Variants in NOVA1 observed in about 807,000 individuals in gnomAD.
The protein encoded by NOVA1 is RNA-binding protein Nova-1.
In NOVA1, 7 loss-of-function variants were observed where a neutral mutation model predicts 38.0. The ratio of observed to expected loss-of-function variants is 0.18; its 90% CI spans 0.10 to 0.35. NOVA1 has a LOEUF of 0.35. Among genes scored for constraint, NOVA1 ranks in the 10% least tolerant of loss-of-function variants. The probability of loss-of-function intolerance (pLI) is 1.00; values close to 1 mark genes in which losing one functional copy is unlikely to be tolerated. For synonymous variants in NOVA1, 270 were observed against 232.5 expected (o/e 1.16, Z -1.47); for missense variants, 460 against 616.0 (o/e 0.75, Z 2.68).
At chr14:26,459,449 A>G (rs1269772291) in intron 4 of NOVA1, among the ~76,000 whole-genome samples, 2 of 152,136 alleles carry the variant, frequency 1.3e-5, no homozygotes, top group Admixed American at 6.6e-5. Flanking sequence ...AGTACATTCC[A>G]TGATGTATGC....
intron 2 of NOVA1, among the ~76,000 whole-genome samples, chr14:26,587,118 C>A (rs12587726): frequency 2.7e-5 from 4 of 150,258 alleles, no homozygotes; most frequent in African/African-American, 9.7e-5. Context: ...AGAAACCTTA[C>A]GTAAATCACT....
chr14:26,537,893 G>T (rs1366495590), intron 2 of NOVA1, among the ~76,000 whole-genome samples: 1 of 152,112 alleles, frequency 6.6e-6, no homozygotes, highest in African/African-American at 2.4e-5. Context: ...GCTCCTCTAT[G>T]GATATGACAT....
intron 2 of NOVA1, among the ~76,000 whole-genome samples, chr14:26,525,508 G>A (rs532664678): frequency 6.6e-5 from 10 of 152,146 alleles, no homozygotes; most frequent in South Asian, 4.1e-4. Flanking sequence ...AAATGACTAC[G>A]GCACACTTCA....
intron 4 of NOVA1, chr14:26,471,950 AT>A (rs542697928): frequency 0.054 from 14,070 of 261,282 alleles, 135 homozygotes; most frequent in African/African-American, 0.09. Context: ...CAATTTATAC[AT>A]TTTTTTTTTT....
chr14:26,562,603 A>G (rs927856355), intron 2 of NOVA1, among the ~76,000 whole-genome samples: 1 of 152,120 alleles, frequency 6.6e-6, no homozygotes, highest in African/African-American at 2.4e-5. Flanking sequence ...TTGAAGCAGA[A>G]TAACTAGGAA....
At position 26,597,511 on chromosome 14, in the gene NOVA1, T is replaced by TC. The variant is rs1314964395; in HGVS notation, c.-76_-75insG. On this transcript the variant is annotated 5_prime_UTR_variant, in exon 1 of 5. Coordinates refer to ENST00000539517, the MANE Select transcript of NOVA1 (RefSeq NM_002515.3). Reference sequence around the variant, plus strand: ...TGGCTTTTTCTTTTCTTTTTTCTTTTTTTTTTTTTTTTTTTTTTGCGTTTG... The same window carrying TC: ...TGGCTTTTTCTTTTCTTTTTTCTTTTCTTTTTTTTTTTTTTTTTTGCGTTTG... 5.4e-5 allele frequency: 56 copies of TC among 1,042,254 alleles called. No individual in the cohort carries two copies. In the Admixed American group the frequency reaches 1.1e-3, roughly 21 times the overall value. The allele number at this position is 1,042,254 out of a possible 1,614,324, so 64.6% of individuals were successfully genotyped here.
intron 2 of NOVA1, among the ~76,000 whole-genome samples, chr14:26,510,332 G>T (rs1594433502): frequency 6.6e-6 from 1 of 152,176 alleles, no homozygotes; most frequent in Admixed American, 6.5e-5. Context: ...ATGTTAAACG[G>T]TAAAACAATA....
rs542611736 is a variant in NOVA1 at position 26,587,947 on chromosome 14, A to G, written c.280+7463T>C. Among the ~76,000 whole-genome samples, 3 of 151,190 alleles carry G rather than the reference A, an allele frequency of 2.0e-5. No individual in the cohort carries two copies. In the South Asian group the frequency reaches 6.2e-4, roughly 31 times the overall value. On this transcript the variant is annotated intron_variant, in intron 2 of 4. Coordinates refer to ENST00000539517, the MANE Select transcript of NOVA1 (RefSeq NM_002515.3). ...CAAATTATTAACAATTTAAATGAAGACAATCTTCTTTAAAATCAGAATGAT... is the reference window on the plus strand; with the variant it reads ...CAAATTATTAACAATTTAAATGAAGGCAATCTTCTTTAAAATCAGAATGAT...
chr14:26,596,667 G>T (rs1295607162), intron 1 of NOVA1: 2 of 1,288,934 alleles, frequency 1.6e-6, no homozygotes, highest in African/African-American at 3.0e-5. Flanking sequence ...CCAAGGAAGC[G>T]CAGGATGTTA....
chr14:26,474,193 T>C (rs910513081), intron 3 of NOVA1, among the ~76,000 whole-genome samples: 2 of 151,994 alleles, frequency 1.3e-5, no homozygotes, highest in Admixed American at 1.3e-4. Context: ...AATCTAGAGA[T>C]CATTTCTCCC....
chr14:26,500,809 A>G (rs1347353854), intron 2 of NOVA1, among the ~76,000 whole-genome samples: 1 of 151,982 alleles, frequency 6.6e-6, no homozygotes, highest in Non-Finnish European at 1.5e-5. Context: ...TAAAGTATTA[A>G]AGCTCCCAAA....
At chr14:26,522,825 T>G (rs1287918002) in intron 2 of NOVA1, among the ~76,000 whole-genome samples, 1 of 152,184 alleles carries the variant, frequency 6.6e-6, no homozygotes, top group East Asian at 1.9e-4. Context: ...GTGAATAATA[T>G]TACTATGAAT....
intron 2 of NOVA1, among the ~76,000 whole-genome samples, chr14:26,583,599 A>T (rs1273360383): frequency 1.3e-5 from 2 of 151,720 alleles, no homozygotes; most frequent in African/African-American, 4.8e-5. Context: ...AATGCAAGAT[A>T]GATTTTTAAT....
chr14:26,492,165 T>C (rs1031490492), intron 2 of NOVA1, among the ~76,000 whole-genome samples: 2 of 152,212 alleles, frequency 1.3e-5, no homozygotes, highest in Non-Finnish European at 2.9e-5. Flanking sequence ...GAAATTTATT[T>C]CTTAATTTCC....
intron 2 of NOVA1, among the ~76,000 whole-genome samples, chr14:26,482,007 A>C (rs891423247): frequency 7.0e-6 from 1 of 143,254 alleles, no homozygotes; most frequent in African/African-American, 2.5e-5. Context: ...AAAAAAAAAA[A>C]AAAAAAACAT....
chr14:26,511,384 T>C (rs986863473), intron 2 of NOVA1, among the ~76,000 whole-genome samples: 2 of 152,168 alleles, frequency 1.3e-5, no homozygotes, highest in Admixed American at 6.5e-5. Flanking sequence ...AGCCAAAACA[T>C]ACAATGCATC....
chr14:26,576,161 A>G lies in NOVA1; in HGVS notation c.280+19249T>C, dbSNP rs181742954. Among the ~76,000 whole-genome samples, 1,257 of 150,966 alleles carry G rather than the reference A, an allele frequency of 8.3e-3. 10 individuals carry two copies. Among genetic ancestry groups the G allele is most frequent in the Non-Finnish European group, 0.013 (890 of 67,484 alleles). ...TACTTATCATCTACAATGTGTGTGT[A>G]TATATATATATACCACCTGATATGG... On this transcript the variant is annotated intron_variant, in intron 2 of 4. Coordinates refer to ENST00000539517, the MANE Select transcript of NOVA1 (RefSeq NM_002515.3).
At chr14:26,502,999 CTGTT>C (rs1267055701) in intron 2 of NOVA1, among the ~76,000 whole-genome samples, 5 of 152,084 alleles carry the variant, frequency 3.3e-5, no homozygotes, top group Admixed American at 1.3e-4. Flanking sequence ...CTTTCAATGT[CTGTT>C]TGTTTTCCTT....
At chr14:26,550,247 A>C (rs1891078710) in intron 2 of NOVA1, among the ~76,000 whole-genome samples, 1 of 152,312 alleles carries the variant, frequency 6.6e-6, no homozygotes, top group Non-Finnish European at 1.5e-5. Context: ...GGAGAAAAAA[A>C]CAAAATAGGT....
Sources: allele counts gnomAD v4.1 joint callset (sites outside exome capture counted in the v4.1 genomes callset), GRCh38; gene constraint gnomAD v4.1.1; transcripts MANE v1.5; gene names NCBI Gene and HGNC (gene_info 2026-07-23, HGNC 2026-07-21).